Variants in HACL1 observed in about 807,000 individuals in gnomAD.
The protein encoded by HACL1 is 2-hydroxyacyl-CoA lyase 1.
In HACL1, 64 loss-of-function variants were observed where a neutral mutation model predicts 74.2. The observed-to-expected ratio is 0.86, with a 90% CI of 0.70 to 1.06. The LOEUF is 1.06. Ranked by LOEUF, HACL1 falls within the 50% of genes least tolerant of loss-of-function variation. The probability of loss-of-function intolerance (pLI) is 0.00; values close to 1 mark genes in which losing one functional copy is unlikely to be tolerated. For missense variants in HACL1, 728 were observed against 719.7 expected (o/e 1.01, Z -0.13); for synonymous variants, 230 against 238.8 (o/e 0.96, Z 0.34).
chr3:15,579,808 A>G (rs2063690660), intron 9 of HACL1, 102 bp downstream of exon 9: 1 of 830,414 alleles, frequency 1.2e-6, no homozygotes, highest in Non-Finnish European at 1.9e-6. Context: ...TTAAAATTCC[A>G]TGATTCTTTC....
At chr3:15,577,882 A>C (rs905263597) in intron 9 of HACL1, among the ~76,000 whole-genome samples, 9 of 152,082 alleles carry the variant, frequency 5.9e-5, no homozygotes, top group South Asian at 2.1e-4. Context: ...GCGGATCACA[A>C]AATCAGGAGA....
intron 2 of HACL1, 184 bp downstream of exon 2, chr3:15,600,906 T>C: frequency 1.6e-6 from 1 of 618,138 alleles, no homozygotes; most frequent in Non-Finnish European, 2.9e-6. Context: ...CAAGTTTTAC[T>C]TAACCTGTGT....
At chr3:15,589,503 TAAA>T (rs759590566) in intron 5 of HACL1, 34 bp downstream of exon 5, 1 of 1,314,178 alleles carries the variant, frequency 7.6e-7, no homozygotes, top group Non-Finnish European at 1.1e-6. Context: ...TTTCAAAAAT[TAAA>T]AATAAAAAAA....
chr3:15,579,498 T>C (rs1041353255), intron 9 of HACL1, among the ~76,000 whole-genome samples: 1 of 152,000 alleles, frequency 6.6e-6, no homozygotes, highest in Non-Finnish European at 1.5e-5. Context: ...GGATGAAGGT[T>C]GACATAGAAA....
chr3:15,601,518 C>A lies in HACL1; in HGVS notation c.-55G>T. On this transcript the variant is annotated 5_prime_UTR_variant, in exon 1 of 17. Transcript: ENST00000321169. ...CAGCCGGCAAACAAGCGGAATCATC[C>A]AGCAAGGCAAACGCGAAATCGGCAG... The A allele has an allele frequency of 1.2e-6, 2 of 1,609,126 alleles. No individual in the cohort carries two copies. Among genetic ancestry groups the A allele is most frequent in the Non-Finnish European group, 1.7e-6 (2 of 1,179,998 alleles).
At chr3:15,581,540 T>C (rs957552951) in intron 8 of HACL1, among the ~76,000 whole-genome samples, 6 of 152,250 alleles carry the variant, frequency 3.9e-5, no homozygotes, top group Non-Finnish European at 1.5e-5. Context: ...TTCTCCTTCC[T>C]GTCTCAATGT....
intron 12 of HACL1, among the ~76,000 whole-genome samples, 182 bp from the exon 13 acceptor site, chr3:15,568,768 T>A (rs1357418669): frequency 1.3e-5 from 2 of 152,224 alleles, no homozygotes; most frequent in Non-Finnish European, 1.5e-5. Flanking sequence ...CTGGGGGACA[T>A]GTGTACCACA....
intron 15 of HACL1, 31 bp from the exon 16 acceptor site, chr3:15,563,575 T>A: frequency 7.1e-7 from 1 of 1,407,980 alleles, no homozygotes; most frequent in Non-Finnish European, 9.9e-7. Context: ...TCAATGAAAT[T>A]TAAATCTTAA....
At chr3:15,596,781 G>C (rs1368292866) in intron 2 of HACL1, among the ~76,000 whole-genome samples, 2 of 151,958 alleles carry the variant, frequency 1.3e-5, no homozygotes, top group Non-Finnish European at 2.9e-5. Context: ...TCTTTTCAAA[G>C]AACAAATTTT....
chr3:15,564,509 C>T (rs562471532), intron 15 of HACL1, 42 bp downstream of exon 15: 6 of 858,722 alleles, frequency 7.0e-6, no homozygotes, highest in Admixed American at 2.1e-5. Flanking sequence ...GAGATTAAAA[C>T]GGGAAAGAGA....
chr3:15,594,654 C>T lies in HACL1; in HGVS notation c.227+1730G>A, dbSNP rs539212308. On this transcript the variant is annotated intron_variant, in intron 3 of 16. Transcript: ENST00000321169. ...AATGTTCTGCATTTGCAGTATGATA[C>T]GGTAGCCACTACTGACATGGTTACT... Among the ~76,000 whole-genome samples, 10 of 152,288 alleles carry T rather than the reference C, an allele frequency of 6.6e-5. No individual in the cohort carries two copies. The South Asian group carries it at 8.3e-4, about 13-fold the overall frequency.
chr3:15,589,143 G>A (rs2063846606), intron 5 of HACL1, among the ~76,000 whole-genome samples: 1 of 152,072 alleles, frequency 6.6e-6, no homozygotes, highest in African/African-American at 2.4e-5. Context: ...GCAAACAGGA[G>A]GCTTTTTTAT....
chr3:15,578,752 T>C (rs577717327), intron 9 of HACL1, among the ~76,000 whole-genome samples: 2 of 152,262 alleles, frequency 1.3e-5, no homozygotes, highest in African/African-American at 4.8e-5. Flanking sequence ...GCAAGAGGGA[T>C]TGGGAAAAAG....
chr3:15,570,524 C>T (rs1013817125), intron 12 of HACL1, among the ~76,000 whole-genome samples: 1 of 150,694 alleles, frequency 6.6e-6, no homozygotes, highest in African/African-American at 2.4e-5. Flanking sequence ...GGTGGAATCA[C>T]GCATAAGACA....
At chr3:15,566,256 C>G (rs1344729337) in intron 14 of HACL1, among the ~76,000 whole-genome samples, 1 of 152,056 alleles carries the variant, frequency 6.6e-6, no homozygotes, top group Admixed American at 6.5e-5. Context: ...AAAATAAAAC[C>G]CCCATCCTTC....
intron 3 of HACL1, among the ~76,000 whole-genome samples, chr3:15,592,063 TACGTATATACGTATACGTATATATAC>T: frequency 1.3e-4 from 2 of 15,746 alleles, no homozygotes; most frequent in African/African-American, 4.1e-4. Context: ...TACGTATATA[TACGTATATACGTATACGTATATATAC>T]ACACACTATA....
chr3:15,578,092 C>T (rs569506003), intron 9 of HACL1, among the ~76,000 whole-genome samples: 25 of 127,734 alleles, frequency 2.0e-4, no homozygotes, highest in African/African-American at 6.5e-4. Context: ...AGCAAGACTC[C>T]GTCTCAAAAA....
In HACL1 at chr3:15,567,299, T is replaced by C. The variant is rs559448828; in HGVS notation, c.1409+545A>G. 1.3e-3 allele frequency among the ~76,000 whole-genome samples: 191 copies of C among 145,392 alleles called. 1 individual carries two copies. The highest frequency in any genetic ancestry group is 3.4e-3 in the African/African-American group (131 of 38,964). On this transcript the variant is annotated intron_variant, in intron 14 of 16. Coordinates refer to ENST00000321169, the MANE Select transcript of HACL1 (RefSeq NM_012260.4). Reference sequence around the variant, plus strand: ...GATTTCAGCTCACTGCAACCTCCACTTCCCAGTTCAAGCAACTCTTCTGCT... The same window carrying C: ...GATTTCAGCTCACTGCAACCTCCACCTCCCAGTTCAAGCAACTCTTCTGCT...
chr3:15,589,806 GGGT>G (rs774032987), intron 4 of HACL1, among the ~76,000 whole-genome samples, 194 bp from the exon 5 acceptor site: 2 of 152,016 alleles, frequency 1.3e-5, no homozygotes, highest in Non-Finnish European at 2.9e-5. Context: ...AGGCCAAGGT[GGGT>G]GGATCACTTG....
Sources: gnomAD v4.1 joint callset for allele counts (sites outside exome capture counted in the v4.1 genomes callset) on GRCh38, gnomAD v4.1.1 for gene constraint, MANE v1.5 for transcripts, NCBI Gene and HGNC (gene_info 2026-07-23, HGNC 2026-07-21) for gene names.